The following ZNF704 variants were observed in gnomAD, a reference collection of about 807,000 sequenced individuals.
ZNF704 encodes zinc finger protein 704, also known as glucocorticoid induced gene 1.
A neutral mutation model predicts 44.7 loss-of-function variants in ZNF704; 10 were observed. The ratio of observed to expected loss-of-function variants is 0.22; its 90% CI spans 0.14 to 0.38. The LOEUF (loss-of-function observed/expected upper bound fraction) is 0.38, where lower values mean the gene tolerates loss of function less well. ZNF704 is among the 10% of genes least tolerant of loss of function. The pLI, the probability that ZNF704 is intolerant of heterozygous loss-of-function variation, is 1.00. For synonymous variants in ZNF704, 211 were observed against 207.6 expected, an observed-to-expected ratio of 1.02 and a Z score of -0.14; for missense variants, 390 against 545.5, an observed-to-expected ratio of 0.71 and a Z score of 2.84.
upstream of ZNF704, among the ~76,000 whole-genome samples, chr8:80,875,700 C>T (rs1182295286): frequency 1.3e-5 from 2 of 152,210 alleles, no homozygotes; most frequent in East Asian, 3.8e-4. Flanking sequence ...CTGGTAGGCA[C>T]CTCCGTGGGG....
At chr8:80,661,958 C>A (rs1182276681) in intron 6 of ZNF704, among the ~76,000 whole-genome samples, 1 of 152,128 alleles carries the variant, frequency 6.6e-6, no homozygotes, top group Non-Finnish European at 1.5e-5. Flanking sequence ...ATGTTCCCAA[C>A]ACACAGAAAT....
At chr8:80,719,462 T>C (rs1339985597) in intron 2 of ZNF704, among the ~76,000 whole-genome samples, 2 of 152,188 alleles carry the variant, frequency 1.3e-5, no homozygotes, top group East Asian at 1.9e-4. Context: ...ACTATTAGTA[T>C]ACAAATAACT....
intron 2 of ZNF704, among the ~76,000 whole-genome samples, chr8:80,720,287 A>C (rs936154875): frequency 2.0e-5 from 3 of 152,204 alleles, no homozygotes; most frequent in Non-Finnish European, 4.4e-5. Context: ...CAGAGCCACC[A>C]AGCCACTTCT....
intron 2 of ZNF704, among the ~76,000 whole-genome samples, chr8:80,757,726 C>T (rs997653436): frequency 2.6e-5 from 4 of 152,054 alleles, no homozygotes; most frequent in Non-Finnish European, 4.4e-5. Context: ...ATATTTTTAC[C>T]GTACCTTTTT....
intron 2 of ZNF704, among the ~76,000 whole-genome samples, chr8:80,767,173 G>A (rs946032751): frequency 2.6e-5 from 4 of 151,826 alleles, no homozygotes; most frequent in Non-Finnish European, 5.9e-5. Flanking sequence ...GGAATTAATG[G>A]AGGCTTAAAG....
At chr8:80,780,886 A>G (rs780411808) in intron 2 of ZNF704, among the ~76,000 whole-genome samples, 3 of 152,170 alleles carry the variant, frequency 2.0e-5, no homozygotes, top group Non-Finnish European at 4.4e-5. Context: ...ACAGTTCATA[A>G]TCTGTTACAG....
intron 2 of ZNF704, among the ~76,000 whole-genome samples, chr8:80,756,749 C>T (rs1374270259): frequency 6.6e-6 from 1 of 152,166 alleles, no homozygotes; most frequent in Non-Finnish European, 1.5e-5. Flanking sequence ...CACTTCTTTA[C>T]CTGAGGTTAA....
intron 2 of ZNF704, among the ~76,000 whole-genome samples, chr8:80,815,458 G>A (rs1808162171): frequency 6.6e-6 from 1 of 152,154 alleles, no homozygotes; most frequent in African/African-American, 2.4e-5. Context: ...ATGATGTCTG[G>A]CAAAAACAGA....
chr8:80,652,150 T>C (rs1817931513), intron 7 of ZNF704, among the ~76,000 whole-genome samples: 1 of 152,188 alleles, frequency 6.6e-6, no homozygotes, highest in African/African-American at 2.4e-5. Context: ...CCAGAATCTC[T>C]GGGTCACATT....
intron 2 of ZNF704, among the ~76,000 whole-genome samples, chr8:80,710,966 G>A (rs757137127): frequency 3.9e-4 from 60 of 152,278 alleles, no homozygotes; most frequent in Non-Finnish European, 7.5e-4. Flanking sequence ...GAGGGTACCA[G>A]GCATGTGAGC....
intron 2 of ZNF704, among the ~76,000 whole-genome samples, chr8:80,698,765 G>A (rs780041852): frequency 2.0e-5 from 3 of 152,178 alleles, no homozygotes; most frequent in South Asian, 2.1e-4. Context: ...GAGGCAGCCC[G>A]GCCAGGTCTC....
intron 2 of ZNF704, among the ~76,000 whole-genome samples, chr8:80,718,454 T>C (rs1236227204): frequency 3.9e-5 from 6 of 152,238 alleles, no homozygotes; most frequent in African/African-American, 1.4e-4. Flanking sequence ...CCAGTTGTTG[T>C]TGGGGTTGGC....
intron 2 of ZNF704, among the ~76,000 whole-genome samples, chr8:80,788,059 T>C (rs1387547): frequency 0.71 from 108,127 of 152,102 alleles, 39,940 homozygotes; most frequent in African/African-American, 0.93. Flanking sequence ...ATTTATGACA[T>C]ATTTTATTTT....
chr8:80,692,674 G>GA (rs1818659437), intron 3 of ZNF704, among the ~76,000 whole-genome samples: 1 of 152,188 alleles, frequency 6.6e-6, no homozygotes, highest in South Asian at 2.1e-4. Flanking sequence ...TAATGCTAGG[G>GA]AAAATAATTC....
rs562339679 is a variant in ZNF704, at chr8:80,628,942, T to C, written c.*12424A>G. 1.3e-5 allele frequency: 2 copies of C among 152,236 alleles called. No homozygotes were observed. The highest frequency in any genetic ancestry group is 2.9e-5 in the Non-Finnish European group (2 of 68,034). The allele number at this position is 152,236 out of a possible 1,614,324, so 9.4% of individuals were successfully genotyped here. The stretch of plus-strand genomic sequence containing the variant: ...TTGGGAAAGTGCAGTTTAACTGGTA[T>C]GAACATTTAACATTGTACATCTTCG... On this transcript the variant is annotated 3_prime_UTR_variant, in exon 9 of 9. Coordinates refer to ENST00000327835, the MANE Select transcript of ZNF704 (RefSeq NM_001033723.3).
chr8:80,689,726 C>T (rs1240607613), intron 3 of ZNF704, among the ~76,000 whole-genome samples: 1 of 152,210 alleles, frequency 6.6e-6, no homozygotes, highest in Non-Finnish European at 1.5e-5. Context: ...AGTGTGGTTA[C>T]ATGGCTTCAT....
chr8:80,644,283 C>T (rs1817792671), intron 7 of ZNF704, among the ~76,000 whole-genome samples: 1 of 152,142 alleles, frequency 6.6e-6, no homozygotes, highest in Non-Finnish European at 1.5e-5. Context: ...TGTTGCTTTT[C>T]TGTCCCTCAG....
intron 2 of ZNF704, among the ~76,000 whole-genome samples, chr8:80,729,925 T>C: frequency 6.6e-6 from 1 of 152,210 alleles, no homozygotes; most frequent in Non-Finnish European, 1.5e-5. Flanking sequence ...TCAGCCTTAC[T>C]GCTGCGAATC....
At chr8:80,760,724 A>G (rs1807116365) in intron 2 of ZNF704, among the ~76,000 whole-genome samples, 1 of 151,846 alleles carries the variant, frequency 6.6e-6, no homozygotes, top group South Asian at 2.1e-4. Context: ...TAAAGAAAAG[A>G]GGTTTCATTT....
Sources: gnomAD v4.1 joint callset for allele counts (sites outside exome capture counted in the v4.1 genomes callset) on GRCh38, gnomAD v4.1.1 for gene constraint, MANE v1.5 for transcripts, NCBI Gene and HGNC (gene_info 2026-07-23, HGNC 2026-07-21) for gene names.